The following GPHN variants were observed in gnomAD, a reference collection of about 807,000 sequenced individuals.
The protein encoded by GPHN is gephyrin.
A neutral mutation model predicts 95.5 loss-of-function variants in GPHN; 17 were observed. The ratio of observed to expected loss-of-function variants is 0.18; its 90% CI spans 0.12 to 0.27. GPHN has a LOEUF of 0.27. Among genes scored for constraint, GPHN ranks in the 10% least tolerant of loss-of-function variants. The pLI, the probability that GPHN is intolerant of heterozygous loss-of-function variation, is 1.00. For missense variants in GPHN, 660 were observed against 978.1 expected, an observed-to-expected ratio of 0.67 and a Z score of 4.34; for synonymous variants, 320 against 322.5, an observed-to-expected ratio of 0.99 and a Z score of 0.08.
intron 1 of GPHN, among the ~76,000 whole-genome samples, chr14:66,623,092 A>T (rs2063373458): frequency 6.6e-6 from 1 of 152,158 alleles, no homozygotes; most frequent in Non-Finnish European, 1.5e-5. Flanking sequence ...GTTCTTCATG[A>T]CTGGGGAGGC....
At chr14:67,558,547 G>A in the GPHN span, among the ~76,000 whole-genome samples, 1 of 152,220 alleles carries the variant, frequency 6.6e-6, no homozygotes, top group South Asian at 2.1e-4. Context: ...AGCATCTTGG[G>A]GGTTGGTGGA....
At chr14:66,657,930 T>C (rs2065402154) in intron 1 of GPHN, among the ~76,000 whole-genome samples, 1 of 152,114 alleles carries the variant, frequency 6.6e-6, no homozygotes, top group Admixed American at 6.6e-5. Context: ...AAGAAATACA[T>C]TTTGTCAGGC....
chr14:67,511,129 T>A, the GPHN span, among the ~76,000 whole-genome samples: 1 of 151,990 alleles, frequency 6.6e-6, no homozygotes, highest in Non-Finnish European at 1.5e-5. Context: ...GTGACAGGGG[T>A]GCCTCTTAAT....
chr14:67,168,521 T>G (rs1433518413), intron 20 of GPHN, among the ~76,000 whole-genome samples: 1 of 152,200 alleles, frequency 6.6e-6, no homozygotes, highest in African/African-American at 2.4e-5. Context: ...CTATGTTTTC[T>G]CAGTTTGGGA....
chr14:66,901,567 G>T (rs1229036322), intron 5 of GPHN, among the ~76,000 whole-genome samples: 1 of 151,864 alleles, frequency 6.6e-6, no homozygotes, highest in Admixed American at 6.6e-5. Flanking sequence ...AAAATATAGG[G>T]GTCTAATTTC....
the GPHN span, chr14:67,729,441 T>C: frequency 4.6e-6 from 7 of 1,524,022 alleles, no homozygotes; most frequent in South Asian, 5.6e-5. Context: ...CCGGACTCGC[T>C]GGGCTGTTCA....
the GPHN span, chr14:67,656,699 T>C: frequency 2.4e-6 from 3 of 1,225,514 alleles, no homozygotes; most frequent in South Asian, 5.9e-5. Flanking sequence ...AGCAATAATT[T>C]TCATTCCTTT....
the GPHN span, among the ~76,000 whole-genome samples, chr14:67,210,203 C>G: frequency 6.6e-6 from 1 of 152,184 alleles, no homozygotes; most frequent in African/African-American, 2.4e-5. Context: ...CAAATGCTCA[C>G]AACTGGAAAA....
chr14:67,559,867 T>G, the GPHN span, among the ~76,000 whole-genome samples: 2 of 152,160 alleles, frequency 1.3e-5, no homozygotes, highest in Non-Finnish European at 2.9e-5. Flanking sequence ...CCCTTTCCTT[T>G]TGTCTTGGTT....
At position 67,129,812 on chromosome 14, in the gene GPHN, G is replaced by GAGGA. The variant is rs928060167; in HGVS notation, c.1748+7447_1748+7450dup. Among the ~76,000 whole-genome samples the GAGGA allele has an allele frequency of 6.1e-5, 9 of 148,644 alleles. No homozygotes were observed. The South Asian group carries it at 8.8e-4, about 15-fold the overall frequency. The stretch of plus-strand genomic sequence containing the variant: ...AGAGAGAGAGGGAGAGGGAGGGAGG[G>GAGGA]AGGAAGGAAGGAAGGGAGAGGGAGG... On this transcript the variant is annotated intron_variant, in intron 17 of 22. Transcript: ENST00000478722.
chr14:67,583,402 C>T, the GPHN span, among the ~76,000 whole-genome samples: 1 of 152,164 alleles, frequency 6.6e-6, no homozygotes, highest in Admixed American at 6.5e-5. Context: ...GGATCTGTAG[C>T]ATCTTCAATT....
intron 2 of GPHN, among the ~76,000 whole-genome samples, chr14:66,696,841 A>G (rs967575300): frequency 6.6e-6 from 1 of 152,174 alleles, no homozygotes; most frequent in African/African-American, 2.4e-5. Context: ...CTATGAATTT[A>G]TTTTGTTTTT....
chr14:66,657,019 G>A (rs922209594), intron 1 of GPHN, among the ~76,000 whole-genome samples: 3 of 152,118 alleles, frequency 2.0e-5, no homozygotes, highest in Non-Finnish European at 4.4e-5. Context: ...TAGGCCTCTC[G>A]CACCAAACAC....
chr14:66,577,695 C>T (rs1386529037), intron 1 of GPHN, among the ~76,000 whole-genome samples: 4 of 151,892 alleles, frequency 2.6e-5, no homozygotes, highest in Non-Finnish European at 2.9e-5. Flanking sequence ...GTTTTAGAGA[C>T]TGATTTTTCA....
At chr14:67,726,230 G>A in the GPHN span, 1 of 915,810 alleles carries the variant, frequency 1.1e-6, no homozygotes, top group Non-Finnish European at 1.8e-6. Flanking sequence ...CTGTGTAAAT[G>A]TGGAGAATGT....
chr14:67,000,534 A>G (rs140036282), intron 9 of GPHN, among the ~76,000 whole-genome samples: 2,161 of 151,770 alleles, frequency 0.014, 57 homozygotes, highest in Admixed American at 0.058. Context: ...ATATTTATCT[A>G]CAGTGCTCCA....
At chr14:67,107,363 G>A (rs1567340860) in intron 13 of GPHN, among the ~76,000 whole-genome samples, 1 of 152,126 alleles carries the variant, frequency 6.6e-6, no homozygotes, top group Non-Finnish European at 1.5e-5. Context: ...GTGGCACCTG[G>A]TTCTTGGGGT....
rs573731632 is a variant in GPHN at position 66,998,583 on chromosome 14, G to A, written c.964-25050G>A. ...TACAAAGTACAGTATTTATTTTATA[G>A]CATCACTATGGAGGTAGCCAAACCT... On this transcript the variant is annotated intron_variant, in intron 9 of 22. Transcript: ENST00000478722. 3.1e-3 allele frequency among the ~76,000 whole-genome samples: 469 copies of A among 152,028 alleles called. 1 individual carries two copies. The highest frequency in any genetic ancestry group is 0.011 in the South Asian group (52 of 4,816).
the GPHN span, among the ~76,000 whole-genome samples, chr14:67,668,953 GA>G: frequency 6.0e-5 from 9 of 149,778 alleles, no homozygotes; most frequent in African/African-American, 1.2e-4. Context: ...AAGTACTCTG[GA>G]AAAAAAAAGG....
Sources: gnomAD v4.1 joint callset for allele counts (sites outside exome capture counted in the v4.1 genomes callset) on GRCh38, gnomAD v4.1.1 for gene constraint, MANE v1.5 for transcripts, NCBI Gene and HGNC (gene_info 2026-07-23, HGNC 2026-07-21) for gene names.